SPATA13: variants seen among roughly 807,000 people sequenced by gnomAD.
SPATA13 encodes the protein spermatogenesis-associated protein 13.
Under a neutral mutation model 104.0 loss-of-function variants are expected in SPATA13, and 50 were observed. That is an observed-to-expected ratio of 0.48 (90% CI 0.38 to 0.61). SPATA13 has a LOEUF of 0.61. SPATA13 is among the 20% of genes least tolerant of loss of function. SPATA13 has a pLI of 0.00. For missense variants in SPATA13, 1,524 were observed against 1,690.6 expected, an observed-to-expected ratio of 0.90 and a Z score of 1.73; for synonymous variants, 606 against 667.5, an observed-to-expected ratio of 0.91 and a Z score of 1.42.
intron 3 of SPATA13, among the ~76,000 whole-genome samples, chr13:24,142,536 C>CAGAT (rs1381411813): frequency 6.6e-6 from 1 of 152,162 alleles, no homozygotes; most frequent in Non-Finnish European, 1.5e-5. Flanking sequence ...TATCACAGAA[C>CAGAT]AGATGCTGCA....
At chr13:24,237,540 G>T (rs896974628) in intron 2 of SPATA13, among the ~76,000 whole-genome samples, 1 of 152,298 alleles carries the variant, frequency 6.6e-6, no homozygotes, top group African/African-American at 2.4e-5. Flanking sequence ...CAGGGGCTGT[G>T]GGGGAAGAGA....
intron 3 of SPATA13, among the ~76,000 whole-genome samples, chr13:24,108,353 G>A (rs1303095569): frequency 6.6e-6 from 1 of 152,178 alleles, no homozygotes; most frequent in African/African-American, 2.4e-5. Context: ...TTAAACCTCC[G>A]TTTCTTGTTC....
intron 2 of SPATA13, among the ~76,000 whole-genome samples, chr13:24,229,081 TA>T (rs1242903781): frequency 1.3e-5 from 2 of 152,226 alleles, no homozygotes; most frequent in Non-Finnish European, 2.9e-5. Context: ...TGACCTGTTT[TA>T]AGTTACAGGT....
intron 4 of SPATA13, among the ~76,000 whole-genome samples, chr13:24,273,698 A>G (rs971850270): frequency 3.3e-5 from 5 of 152,250 alleles, no homozygotes; most frequent in African/African-American, 1.2e-4. Flanking sequence ...TAAATGCGAT[A>G]CATATTTTAA....
intron 4 of SPATA13, among the ~76,000 whole-genome samples, chr13:24,280,815 C>T (rs557411824): frequency 1.3e-5 from 2 of 152,242 alleles, no homozygotes; most frequent in South Asian, 4.1e-4. Flanking sequence ...TCCCCCAACC[C>T]ACCCCCAAAC....
intron 1 of SPATA13, among the ~76,000 whole-genome samples, chr13:24,170,401 G>T (rs1330862804): frequency 1.3e-5 from 2 of 152,322 alleles, no homozygotes; most frequent in East Asian, 3.9e-4. Context: ...TAGGAGTCTA[G>T]TAGCCTTTTA....
At chr13:24,198,713 A>G (rs1332065803) in intron 1 of SPATA13, among the ~76,000 whole-genome samples, 9 of 152,148 alleles carry the variant, frequency 5.9e-5, no homozygotes, top group East Asian at 3.9e-4. Context: ...TCTTTCTGCC[A>G]AGTCTGGGTC....
intron 1 of SPATA13, among the ~76,000 whole-genome samples, chr13:24,179,245 C>T: frequency 6.6e-6 from 1 of 152,122 alleles, no homozygotes; most frequent in East Asian, 1.9e-4. Context: ...CATTTGTGTA[C>T]AAGTTTTTAT....
Position 24,305,637 on chromosome 13 carries a change from G to T in SPATA13, c.*2864G>T, listed in dbSNP as rs1001522163. On this transcript the variant is annotated 3_prime_UTR_variant, in exon 13 of 13. Transcript: ENST00000382108. The stretch of plus-strand genomic sequence containing the variant: ...GTGTATGAATTTCATTGGGAATCTT[G>T]CTCTCTCCCGCCTCTATGCCTTTCT... 1 of 152,154 alleles carries T rather than the reference G, an allele frequency of 6.6e-6. No homozygotes were observed. The highest frequency in any genetic ancestry group is 1.5e-5 in the Non-Finnish European group (1 of 68,028). The allele number at this position is 152,154 out of a possible 1,614,324, so 9.4% of individuals were successfully genotyped here.
At position 24,204,972 on chromosome 13, in the gene SPATA13, C is replaced by T. The variant is rs143949158; in HGVS notation, c.-111-17847C>T. On this transcript the variant is annotated intron_variant, in intron 1 of 12. Coordinates refer to ENST00000382108, the MANE Select transcript of SPATA13 (RefSeq NM_001166271.3). ...ATAAGAGCCATGTATGACAAACCCACAGCCAATATCATACCTAATGGGTAA... is the reference window on the plus strand; with the variant it reads ...ATAAGAGCCATGTATGACAAACCCATAGCCAATATCATACCTAATGGGTAA... Among the ~76,000 whole-genome samples the T allele has an allele frequency of 2.5e-3, 374 of 152,294 alleles. 3 individuals carry two copies. The highest frequency in any genetic ancestry group is 4.3e-3 in the Non-Finnish European group (291 of 68,026).
chr13:24,277,433 G>T (rs866600507), intron 4 of SPATA13, among the ~76,000 whole-genome samples: 1 of 110,734 alleles, frequency 9.0e-6, no homozygotes, highest in Non-Finnish European at 1.7e-5. Flanking sequence ...AACAGAGCAA[G>T]ACTCCGTCTC....
intron 1 of SPATA13, among the ~76,000 whole-genome samples, chr13:24,190,032 C>T (rs111216693): frequency 0.049 from 411 of 8,366 alleles, 183 homozygotes; most frequent in Non-Finnish European, 0.44. Context: ...TAATGATATA[C>T]AATATATATT....
chr13:24,255,151 G>C (rs1392366039), intron 4 of SPATA13, among the ~76,000 whole-genome samples: 1 of 152,186 alleles, frequency 6.6e-6, no homozygotes, highest in African/African-American at 2.4e-5. Flanking sequence ...AGAAAGGCTT[G>C]GGAAGAGTAT....
intron 3 of SPATA13, among the ~76,000 whole-genome samples, chr13:24,149,677 G>C (rs1882038961): frequency 6.6e-6 from 1 of 152,360 alleles, no homozygotes; most frequent in Admixed American, 6.5e-5. Flanking sequence ...CACTGGAAAT[G>C]GCTGATGGGG....
At chr13:24,215,727 A>T (rs6490886) in intron 1 of SPATA13, among the ~76,000 whole-genome samples, 90,292 of 151,982 alleles carry the variant, frequency 0.59, 27,233 homozygotes, top group Admixed American at 0.67. Context: ...CTGTTGGGTG[A>T]CTTAGCCTGT....
chr13:23,984,349 T>C (rs1282242263), intron 2 of SPATA13, among the ~76,000 whole-genome samples: 1 of 152,256 alleles, frequency 6.6e-6, no homozygotes, highest in African/African-American at 2.4e-5. Flanking sequence ...CCTTCATTAC[T>C]TTATATTCTG....
Position 24,237,126 on chromosome 13 carries a change from G to C in SPATA13, c.1654-12351G>C, listed in dbSNP as rs151049508. ...TAATCCCAGCACTTTCTGAGGCCGA[G>C]GTGGGTGAATCATGAGGTCAGGAGT... On this transcript the variant is annotated intron_variant, in intron 2 of 12. Transcript: ENST00000382108. 2.9e-3 allele frequency among the ~76,000 whole-genome samples: 442 copies of C among 152,240 alleles called. 2 individuals carry two copies. Among genetic ancestry groups the C allele is most frequent in the African/African-American group, 9.6e-3 (399 of 41,506 alleles).
intron 2 of SPATA13, among the ~76,000 whole-genome samples, chr13:23,988,687 G>A (rs1875269573): frequency 6.6e-6 from 1 of 152,180 alleles, no homozygotes; most frequent in Non-Finnish European, 1.5e-5. Flanking sequence ...CTCATCTCAT[G>A]ATGGAAAATG....
At chr13:24,225,167 G>A (rs1871858937) in intron 2 of SPATA13, among the ~76,000 whole-genome samples, 1 of 152,250 alleles carries the variant, frequency 6.6e-6, no homozygotes. Flanking sequence ...TGCACTGCCA[G>A]CCCAGATCCC....
Sources: gnomAD v4.1 joint callset for allele counts (sites outside exome capture counted in the v4.1 genomes callset) on GRCh38, gnomAD v4.1.1 for gene constraint, MANE v1.5 for transcripts, NCBI Gene and HGNC (gene_info 2026-07-23, HGNC 2026-07-21) for gene names.